Variants in OSBPL10 observed in about 807,000 individuals in gnomAD.
The protein encoded by OSBPL10 is oxysterol-binding protein-related protein 10.
OSBPL10 carries 49 observed loss-of-function variants against 81.7 expected under a neutral mutation model. The ratio of observed to expected loss-of-function variants is 0.60; its 90% CI spans 0.48 to 0.76. The LOEUF (loss-of-function observed/expected upper bound fraction) is 0.76. Among genes scored for constraint, OSBPL10 ranks in the 30% least tolerant of loss-of-function variants. The probability of loss-of-function intolerance (pLI) is 0.00; values close to 1 mark genes in which losing one functional copy is unlikely to be tolerated. For synonymous variants in OSBPL10, 419 were observed against 383.6 expected (o/e 1.09, Z -1.08); for missense variants, 923 against 987.8 (o/e 0.93, Z 0.88).
At chr3:31,866,900 T>A (rs13434368) in intron 3 of OSBPL10, among the ~76,000 whole-genome samples, 3,042 of 152,220 alleles carry the variant, frequency 0.02, 112 homozygotes, top group African/African-American at 0.07. Flanking sequence ...ATATATACAC[T>A]CCTCAAAACT....
At chr3:31,840,280 A>G (rs1451144847) in intron 3 of OSBPL10, among the ~76,000 whole-genome samples, 1 of 152,176 alleles carries the variant, frequency 6.6e-6, no homozygotes, top group African/African-American at 2.4e-5. Flanking sequence ...TTCTGAGAAC[A>G]TTTCAAGAAG....
At chr3:31,887,135 C>A (rs1214744181) in intron 1 of OSBPL10, among the ~76,000 whole-genome samples, 2 of 152,130 alleles carry the variant, frequency 1.3e-5, no homozygotes, top group East Asian at 3.9e-4. Context: ...AGGAGCAGTT[C>A]TTTCCAGCAA....
At chr3:32,054,651 C>A (rs906286758) in intron 1 of OSBPL10, among the ~76,000 whole-genome samples, 2 of 151,280 alleles carry the variant, frequency 1.3e-5, no homozygotes, top group Non-Finnish European at 2.9e-5. Flanking sequence ...CCTGCCTCAG[C>A]CTCCCAAGTA....
chr3:31,823,592 CAATAAAT>C (rs1173361834), intron 4 of OSBPL10, among the ~76,000 whole-genome samples: 1 of 151,970 alleles, frequency 6.6e-6, no homozygotes, highest in Non-Finnish European at 1.5e-5. Context: ...AGGCAAGGAG[CAATAAAT>C]AATAAATAGG....
At chr3:31,921,386 C>T (rs1317700130) in intron 1 of OSBPL10, among the ~76,000 whole-genome samples, 1 of 152,018 alleles carries the variant, frequency 6.6e-6, no homozygotes, top group Admixed American at 6.6e-5. Context: ...AAGACTGGGG[C>T]AGGAAATAAC....
At chr3:31,846,845 T>G (rs144758457) in intron 3 of OSBPL10, among the ~76,000 whole-genome samples, 39 of 152,174 alleles carry the variant, frequency 2.6e-4, no homozygotes, top group African/African-American at 9.4e-4. Context: ...CATGCGAATT[T>G]TCCTCCTGTA....
At chr3:31,812,822 A>AGAG (rs1699741727) in intron 4 of OSBPL10, among the ~76,000 whole-genome samples, 3 of 119,740 alleles carry the variant, frequency 2.5e-5, no homozygotes, top group Non-Finnish European at 5.4e-5. Context: ...AAGAAAGAGA[A>AGAG]AGAAAGAAAG....
chr3:31,737,664 G>C (rs1697222236), intron 5 of OSBPL10, among the ~76,000 whole-genome samples: 1 of 152,116 alleles, frequency 6.6e-6, no homozygotes, highest in African/African-American at 2.4e-5. Flanking sequence ...ATCTGCAGTT[G>C]CAAAAGACAC....
chr3:31,774,392 G>A (rs568168011), intron 4 of OSBPL10, among the ~76,000 whole-genome samples: 79 of 152,338 alleles, frequency 5.2e-4, no homozygotes, highest in African/African-American at 1.8e-3. Flanking sequence ...CCTGGAGCAG[G>A]CGAGCGGAGT....
At chr3:31,957,718 G>A (rs1698048047) in intron 1 of OSBPL10, among the ~76,000 whole-genome samples, 1 of 152,262 alleles carries the variant, frequency 6.6e-6, no homozygotes, top group Admixed American at 6.5e-5. Context: ...TCGGCTCACT[G>A]CAACCTCCGT....
chr3:31,856,449 C>A (rs1457375232), intron 3 of OSBPL10, among the ~76,000 whole-genome samples: 4 of 152,012 alleles, frequency 2.6e-5, no homozygotes, highest in African/African-American at 9.7e-5. Flanking sequence ...GCAAAATTAC[C>A]CAATAGCAGA....
chr3:31,954,725 A>G (rs1361091149), intron 1 of OSBPL10, among the ~76,000 whole-genome samples: 1 of 152,206 alleles, frequency 6.6e-6, no homozygotes, highest in Non-Finnish European at 1.5e-5. Flanking sequence ...TTAGCAATGT[A>G]CACTTAGGAT....
At chr3:31,724,812 G>C (rs1696756437) in intron 6 of OSBPL10, among the ~76,000 whole-genome samples, 1 of 152,202 alleles carries the variant, frequency 6.6e-6, no homozygotes, top group Non-Finnish European at 1.5e-5. Flanking sequence ...GAGTTGCTAA[G>C]ATTGAGAAGG....
chr3:31,775,057 C>G (rs145083859), intron 4 of OSBPL10, among the ~76,000 whole-genome samples: 38 of 151,970 alleles, frequency 2.5e-4, no homozygotes, highest in African/African-American at 8.9e-4. Context: ...ATCCCAGCTA[C>G]TCAGTGGGGG....
chr3:31,949,667 C>CAAAAAAAAAAAAAAAAA (rs56002214), intron 1 of OSBPL10, among the ~76,000 whole-genome samples: 1 of 26,230 alleles, frequency 3.8e-5, no homozygotes, highest in African/African-American at 1.7e-4. Context: ...GACTCTGTCT[C>CAAAAAAAAAAAAAAAAA]AAAAAAAAAA....
intron 7 of OSBPL10, among the ~76,000 whole-genome samples, chr3:31,697,790 T>A (rs909422408): frequency 4.6e-5 from 7 of 151,526 alleles, no homozygotes; most frequent in African/African-American, 1.7e-4. Flanking sequence ...TGAGATGGAG[T>A]CTTGCACTGT....
At chr3:31,965,704 T>TAA (rs1698352125) in intron 1 of OSBPL10, among the ~76,000 whole-genome samples, 2 of 60,960 alleles carry the variant, frequency 3.3e-5, no homozygotes, top group East Asian at 1.2e-3. Context: ...ATATAATATA[T>TAA]TATATAAAAT....
At chr3:31,765,496 GTGAATGAA>G (rs67590423) in intron 4 of OSBPL10, among the ~76,000 whole-genome samples, 2 of 150,972 alleles carry the variant, frequency 1.3e-5, no homozygotes, top group Admixed American at 6.6e-5. Flanking sequence ...GAGTGAGTGA[GTGAATGAA>G]TGAATGAATG....
chr3:31,958,269 G>C (rs1698064919), intron 1 of OSBPL10, among the ~76,000 whole-genome samples: 1 of 152,090 alleles, frequency 6.6e-6, no homozygotes, highest in African/African-American at 2.4e-5. Flanking sequence ...AGTAAATAAT[G>C]AGTGAAGTAT....
Sources: gnomAD v4.1 joint callset for allele counts (sites outside exome capture counted in the v4.1 genomes callset) on GRCh38, gnomAD v4.1.1 for gene constraint, MANE v1.5 for transcripts, NCBI Gene and HGNC (gene_info 2026-07-23, HGNC 2026-07-21) for gene names.